Variants in ELAC1 observed in about 807,000 individuals in gnomAD.
The protein encoded by ELAC1 is zinc phosphodiesterase ELAC protein 1.
ELAC1 carries 19 observed loss-of-function variants against 25.8 expected under a neutral mutation model. The observed-to-expected ratio is 0.74, with a 90% CI of 0.51 to 1.08. The LOEUF (loss-of-function observed/expected upper bound fraction) is 1.08, where lower values mean the gene tolerates loss of function less well. Ranked by LOEUF, ELAC1 falls within the 50% of genes least tolerant of loss-of-function variation. ELAC1 has a pLI of 0.00. For missense variants in ELAC1, 403 were observed against 434.6 expected, an observed-to-expected ratio of 0.93 and a Z score of 0.65; for synonymous variants, 148 against 160.9, an observed-to-expected ratio of 0.92 and a Z score of 0.61.
intron 3 of ELAC1, 73 bp from the exon 4 acceptor site, chr18:50,986,546 G>A: frequency 8.7e-7 from 1 of 1,153,800 alleles, no homozygotes; most frequent in South Asian, 1.6e-5. Context: ...TATTTGCAAT[G>A]CTGTTAAAAT....
rs760162839 is a variant in ELAC1, at chr18:50,986,640, A to G, written c.647A>G (p.Tyr216Cys). The G allele has an allele frequency of 1.9e-6, 3 of 1,612,350 alleles. No homozygotes were observed. The South Asian group carries it at 3.3e-5, about 18-fold the overall frequency. The change falls in exon 4 of 4, where the codon TAT becomes TGT. Residue 216 changes from tyrosine to cysteine, a missense_variant. Transcript: ENST00000269466. ...TTAGGTGTTCCACCAGGTCCTGCCT[A>G]TGGGAAGCTGAAAAATGGAATTTCT... ...KDLGVPPGPAYGKLKNGISVV... is the reference protein window; with the variant it reads ...KDLGVPPGPACGKLKNGISVV...
intron 2 of ELAC1, 23 bp from the exon 3 acceptor site, chr18:50,984,073 T>C: frequency 6.6e-7 from 1 of 1,508,886 alleles, no homozygotes. Context: ...TTTCCAAACG[T>C]ATTTCTCTAT....
chr18:50,974,506 C>G lies in ELAC1; in HGVS notation c.102C>G (p.Leu34=). ...TTCGGTGTGAAGGCGAGTGCTGGCTCTTTGACTGTGGGGAGGGAACACAGA... is the reference window on the plus strand; with the variant it reads ...TTCGGTGTGAAGGCGAGTGCTGGCTGTTTGACTGTGGGGAGGGAACACAGA... ...VVLRCEGECW[L]FDCGEGTQTQ... Residue 34 remains leucine (L), a synonymous_variant, in exon 2 of 4, where the codon CTC becomes CTG. Coordinates refer to ENST00000269466, the MANE Select transcript of ELAC1 (RefSeq NM_018696.3). 1 of 1,613,172 alleles carries G rather than the reference C, an allele frequency of 6.2e-7. No homozygotes were observed. Among genetic ancestry groups the G allele is most frequent in the Non-Finnish European group, 8.5e-7 (1 of 1,179,610 alleles).
intron 1 of ELAC1, among the ~76,000 whole-genome samples, chr18:50,972,646 C>G (rs892674450): frequency 1.3e-5 from 2 of 152,104 alleles, no homozygotes; most frequent in Non-Finnish European, 2.9e-5. Flanking sequence ...GCATGCACGA[C>G]TAATTTTTGT....
rs112342552 is a variant in ELAC1, at chr18:50,983,238, C to T, written c.158-858C>T. Among the ~76,000 whole-genome samples, 389 of 141,406 alleles carry T rather than the reference C, an allele frequency of 2.8e-3. 2 individuals are homozygous for T. The highest frequency in any genetic ancestry group is 0.013 in the Middle Eastern group (3 of 240). The allele number at this position is 141,406 out of a possible 152,430, so 92.8% of individuals were successfully genotyped here. A position where few individuals can be genotyped will look rare whatever the true frequency, so the allele number is the denominator to read the frequency against. On this transcript the variant is annotated intron_variant, in intron 2 of 3. Coordinates refer to ENST00000269466, the MANE Select transcript of ELAC1 (RefSeq NM_018696.3). ...AGTGCAATGGCACAATCTCGACTCA[C>T]GCAACCTCCGCCTCCTGGGTTCAAG... is the stretch of plus-strand genomic sequence containing the variant.
At chr18:50,978,339 A>T (rs187799020) in intron 2 of ELAC1, among the ~76,000 whole-genome samples, 36 of 147,736 alleles carry the variant, frequency 2.4e-4, no homozygotes, top group East Asian at 2.1e-3. Flanking sequence ...TAATTTATTT[A>T]AAAAAAAAAG....
chr18:50,977,634 A>G (rs896608649), intron 2 of ELAC1, among the ~76,000 whole-genome samples: 3 of 152,066 alleles, frequency 2.0e-5, no homozygotes, highest in Non-Finnish European at 2.9e-5. Context: ...CTCTGGCAAC[A>G]TTTTCCCCAT....
rs923882423 is a variant in ELAC1 at position 50,973,262 on chromosome 18, C to T, written c.-8-1135C>T. 7.9e-5 allele frequency among the ~76,000 whole-genome samples: 12 copies of T among 152,264 alleles called. No individual in the cohort carries two copies. The South Asian group carries it at 1.7e-3, about 21-fold the overall frequency. On this transcript the variant is annotated intron_variant, in intron 1 of 3. Coordinates refer to ENST00000269466, the MANE Select transcript of ELAC1 (RefSeq NM_018696.3). ...TTCTTAAGCTTCTTTGTTTTCTTCCCTGCCATCAATGTGGATAATCTATAA... is the reference window on the plus strand; with the variant it reads ...TTCTTAAGCTTCTTTGTTTTCTTCCTTGCCATCAATGTGGATAATCTATAA...
chr18:50,983,278 T>C lies in ELAC1; in HGVS notation c.158-818T>C, dbSNP rs978466984. 1.0e-4 allele frequency among the ~76,000 whole-genome samples: 15 copies of C among 149,536 alleles called. No homozygotes were observed. In the East Asian group the frequency reaches 2.9e-3, roughly 29 times the overall value. ...CTGGGTTCAAGTAATTCTGCTGCCTTAGCCTCCTGAGTAGCTGGGATTACA... is the reference window on the plus strand; with the variant it reads ...CTGGGTTCAAGTAATTCTGCTGCCTCAGCCTCCTGAGTAGCTGGGATTACA... On this transcript the variant is annotated intron_variant, in intron 2 of 3. Transcript: ENST00000269466.
intron 2 of ELAC1, among the ~76,000 whole-genome samples, chr18:50,983,163 T>G (rs1027615578): frequency 6.3e-5 from 8 of 127,178 alleles, no homozygotes; most frequent in Non-Finnish European, 8.0e-5. Context: ...GTGTTTTTTT[T>G]TTTTTTTTTT....
At chr18:50,968,990 T>A (rs2144304376) in intron 1 of ELAC1, 1 of 152,376 alleles carries the variant, frequency 6.6e-6, no homozygotes, top group Non-Finnish European at 1.5e-5. Context: ...CTGTAGTATT[T>A]TGAAGCAAAT....
chr18:50,978,711 A>G (rs1402944961), intron 2 of ELAC1, among the ~76,000 whole-genome samples: 1 of 152,174 alleles, frequency 6.6e-6, no homozygotes, highest in Non-Finnish European at 1.5e-5. Context: ...TGGAGATGAG[A>G]GATTCAATTT....
At chr18:50,978,796 G>A (rs1032567483) in intron 2 of ELAC1, among the ~76,000 whole-genome samples, 5 of 152,212 alleles carry the variant, frequency 3.3e-5, no homozygotes, top group Admixed American at 3.3e-4. Flanking sequence ...ATTAATACAA[G>A]TTACTGATGG....
intron 1 of ELAC1, among the ~76,000 whole-genome samples, chr18:50,973,347 C>T (rs1907712348): frequency 6.6e-6 from 1 of 152,148 alleles, no homozygotes; most frequent in African/African-American, 2.4e-5. Flanking sequence ...TATATTCCAT[C>T]TCAGAAGTAT....
intron 2 of ELAC1, among the ~76,000 whole-genome samples, chr18:50,981,225 C>T (rs1281090112): frequency 6.6e-6 from 1 of 151,778 alleles, no homozygotes; most frequent in Non-Finnish European, 1.5e-5. Flanking sequence ...AGTATAAATG[C>T]TTATTGTAAA....
At chr18:50,976,542 T>C (rs1907799822) in intron 2 of ELAC1, among the ~76,000 whole-genome samples, 1 of 152,150 alleles carries the variant, frequency 6.6e-6, no homozygotes. Flanking sequence ...TGAGAGAACC[T>C]GCCCCCCATG....
chr18:50,984,986 T>C (rs1908061254), intron 3 of ELAC1: 2 of 205,216 alleles, frequency 9.7e-6, no homozygotes, highest in South Asian at 1.7e-4. Context: ...GGCCTGAAAC[T>C]GACAATTTCT....
chr18:50,984,015 T>G, intron 2 of ELAC1, 81 bp from the exon 3 acceptor site: 1 of 833,102 alleles, frequency 1.2e-6, no homozygotes. Context: ...ATGTAAATTG[T>G]TAGGCTTGTT....
At chr18:50,980,798 G>A (rs955090493) in intron 2 of ELAC1, among the ~76,000 whole-genome samples, 6 of 149,772 alleles carry the variant, frequency 4.0e-5, no homozygotes, top group South Asian at 2.1e-4. Context: ...ATTTCTGGCC[G>A]TAGAGAGGAA....
Sources: gnomAD v4.1 joint callset for allele counts (sites outside exome capture counted in the v4.1 genomes callset) on GRCh38, gnomAD v4.1.1 for gene constraint, MANE v1.5 for transcripts, NCBI Gene and HGNC (gene_info 2026-07-23, HGNC 2026-07-21) for gene names.